RELN: variants seen among roughly 807,000 people sequenced by gnomAD.
RELN encodes reelin.
RELN carries 108 observed loss-of-function variants against 427.6 expected under a neutral mutation model. That is an observed-to-expected ratio of 0.25 (90% CI 0.22 to 0.30). The LOEUF is 0.30. RELN is among the 10% of genes least tolerant of loss of function. RELN has a pLI of 1.00. For missense variants in RELN, 3,715 were observed against 4,302.8 expected (o/e 0.86, Z 3.82); for synonymous variants, 1,524 against 1,513.4 (o/e 1.01, Z -0.16).
chr7:103,926,763 G>A (rs984589569), intron 1 of RELN, among the ~76,000 whole-genome samples: 1 of 148,902 alleles, frequency 6.7e-6, no homozygotes, highest in Non-Finnish European at 1.5e-5. Flanking sequence ...TCCTGCCTCA[G>A]CCTCCCGAGT....
intron 28 of RELN, among the ~76,000 whole-genome samples, chr7:103,578,284 G>A (rs925331521): frequency 3.9e-5 from 6 of 151,964 alleles, no homozygotes; most frequent in South Asian, 2.1e-4. Context: ...TGTTTGAGAC[G>A]GTAAAAGACC....
At chr7:103,649,598 A>C (rs1166298940) in intron 16 of RELN, among the ~76,000 whole-genome samples, 1 of 151,956 alleles carries the variant, frequency 6.6e-6, no homozygotes, top group Non-Finnish European at 1.5e-5. Context: ...GAAAGACAAA[A>C]ACCAAAGAGT....
chr7:103,829,368 G>A (rs1460628803), intron 3 of RELN, among the ~76,000 whole-genome samples: 1 of 151,108 alleles, frequency 6.6e-6, no homozygotes, highest in Non-Finnish European at 1.5e-5. Context: ...GGCCCCTTGG[G>A]ACTTTGGGGT....
In RELN at chr7:103,539,095, A is replaced by G. The variant is rs1397218146; in HGVS notation, c.7163T>C (p.Val2388Ala). The change falls in exon 45 of 65, where the codon GTC (valine) becomes GCC (alanine). Residue 2388 changes from valine (V) to alanine (A), a missense_variant. Coordinates refer to ENST00000428762, the MANE Select transcript of RELN (RefSeq NM_005045.4). ...LQIDFAASCS[V>A]TDSCYAIELE... ...ATACTCACCATAACAAGAGTCTGTG[A>G]CTGAGCAGGAGGCAGCGAAGTCTAT... 3 of 1,614,060 alleles carry G rather than the reference A, an allele frequency of 1.9e-6. No individual in the cohort carries two copies. Among genetic ancestry groups the G allele is most frequent in the Non-Finnish European group, 2.5e-6 (3 of 1,180,030 alleles).
intron 3 of RELN, among the ~76,000 whole-genome samples, chr7:103,807,216 A>G (rs1024900176): frequency 6.6e-6 from 1 of 152,176 alleles, no homozygotes; most frequent in Non-Finnish European, 1.5e-5. Context: ...GCATACACCC[A>G]AAGAGCCAAG....
Position 103,650,306 on chromosome 7 carries a change from G to C in RELN, c.1970C>G (p.Pro657Arg). 6.2e-7 allele frequency: 1 copy of C among 1,611,076 alleles called. No individual in the cohort carries two copies. Among genetic ancestry groups the C allele is most frequent in the Non-Finnish European group, 8.5e-7 (1 of 1,177,566 alleles). The change falls in exon 16 of 65, where the codon CCA becomes CGA. Residue 657 changes from proline to arginine, a missense_variant. By Grantham distance (103) the Pro-to-Arg change is moderately radical. Transcript: ENST00000428762. ...NTRIRWRQTG[P>R]ILGNMWAIDN... Reference sequence around the variant, plus strand: ...AATTGCCCACATGTTTCCAAGGATTGGTCCTGTTTGTCTCCAGCGAATCCT... The same window carrying C: ...AATTGCCCACATGTTTCCAAGGATTCGTCCTGTTTGTCTCCAGCGAATCCT...
intron 2 of RELN, among the ~76,000 whole-genome samples, chr7:103,869,943 T>G (rs1366474368): frequency 6.6e-6 from 1 of 152,164 alleles, no homozygotes; most frequent in African/African-American, 2.4e-5. Context: ...CTGTCGCATT[T>G]GATCTGTACA....
chr7:103,868,897 A>T (rs1442008941), intron 2 of RELN, among the ~76,000 whole-genome samples: 2 of 152,100 alleles, frequency 1.3e-5, no homozygotes, highest in African/African-American at 4.8e-5. Context: ...TATTGTTTGC[A>T]GAGTATATAT....
intron 1 of RELN, among the ~76,000 whole-genome samples, chr7:103,983,654 C>T (rs1428569047): frequency 6.6e-6 from 1 of 152,048 alleles, no homozygotes; most frequent in Non-Finnish European, 1.5e-5. Flanking sequence ...GGATTAATCA[C>T]CCCAATGTTT....
intron 22 of RELN, 75 bp downstream of exon 22, chr7:103,610,620 T>A: frequency 2.5e-6 from 2 of 807,386 alleles, no homozygotes; most frequent in Non-Finnish European, 4.5e-6. Flanking sequence ...CATACTTGAA[T>A]CAATAGAGAC....
chr7:103,904,975 C>CTTTTTTTTTTGTT (rs1795164940), intron 2 of RELN, among the ~76,000 whole-genome samples: 1 of 77,328 alleles, frequency 1.3e-5, no homozygotes, highest in Admixed American at 1.9e-4. Flanking sequence ...AAGTTCTTTC[C>CTTTTTTTTTTGTT]TTTTTTTTTT....
chr7:103,678,101 T>C (rs889617758), intron 11 of RELN, among the ~76,000 whole-genome samples: 21 of 152,340 alleles, frequency 1.4e-4, no homozygotes, highest in Admixed American at 1.4e-3. Context: ...TAATATTCAT[T>C]ACATTTGTGG....
At chr7:103,669,372 G>A (rs185775958) in intron 11 of RELN, among the ~76,000 whole-genome samples, 3 of 152,224 alleles carry the variant, frequency 2.0e-5, no homozygotes. Context: ...GGAGGAGCCT[G>A]TTATAGCACA....
chr7:103,511,415 A>G (rs920848906), intron 50 of RELN, among the ~76,000 whole-genome samples: 1 of 152,282 alleles, frequency 6.6e-6, no homozygotes, highest in Non-Finnish European at 1.5e-5. Context: ...AAGAATCACA[A>G]TTGCACTGGG....
chr7:103,595,496 A>T (rs1831516578), intron 25 of RELN, among the ~76,000 whole-genome samples: 1 of 152,214 alleles, frequency 6.6e-6, no homozygotes, highest in East Asian at 1.9e-4. Flanking sequence ...AAATGACCTA[A>T]TACTTTAAAA....
At chr7:103,524,349 A>G (rs1829777300) in intron 46 of RELN, among the ~76,000 whole-genome samples, 1 of 152,074 alleles carries the variant, frequency 6.6e-6, no homozygotes, top group Admixed American at 6.5e-5. Flanking sequence ...AAAAAAAGAG[A>G]GAGCATAATA....
chr7:103,561,832 A>C lies in RELN; in HGVS notation c.5332T>G (p.Cys1778Gly). ...CPWMCSGRGI[C>G]DAGRCVCDRG... Reference sequence around the variant, plus strand: ...ACTTACACACAGCGTCCAGCATCACAAATCCCTCGTCCTGAGCACATCCAA... The same window carrying C: ...ACTTACACACAGCGTCCAGCATCACCAATCCCTCGTCCTGAGCACATCCAA... Residue 1778 changes from cysteine (C) to glycine (G), a missense_variant, in exon 35 of 65, where the codon TGT (cysteine) becomes GGT (glycine). Cys to Gly is a radical substitution (Grantham distance 159, BLOSUM62 -3). This residue lies in a region of RELN where 2,208 missense variants were observed against 2,361.7 expected (regional missense o/e 0.93). Coordinates refer to ENST00000428762, the MANE Select transcript of RELN (RefSeq NM_005045.4). The C allele has an allele frequency of 1.9e-6, 3 of 1,613,978 alleles. No individual in the cohort carries two copies. The highest frequency in any genetic ancestry group is 2.5e-6 in the Non-Finnish European group (3 of 1,179,958).
chr7:103,895,753 T>C (rs1413666666), intron 2 of RELN, among the ~76,000 whole-genome samples: 1 of 152,006 alleles, frequency 6.6e-6, no homozygotes, highest in Non-Finnish European at 1.5e-5. Flanking sequence ...CTCTATCACC[T>C]GGAGCATACG....
At chr7:103,663,500 C>T (rs1298914502) in intron 11 of RELN, among the ~76,000 whole-genome samples, 1 of 152,136 alleles carries the variant, frequency 6.6e-6, no homozygotes, top group East Asian at 1.9e-4. Context: ...ATGCCATTAG[C>T]ACAAATTGGC....
Sources: allele counts gnomAD v4.1 joint callset (sites outside exome capture counted in the v4.1 genomes callset), GRCh38; gene constraint gnomAD v4.1.1; regional missense constraint gnomAD v4.1.1; transcripts MANE v1.5; gene names NCBI Gene and HGNC (gene_info 2026-07-23, HGNC 2026-07-21).